Variants in KIAA0513 observed in about 807,000 individuals in gnomAD.
KIAA0513 encodes KIAA0513.
KIAA0513 carries 39 observed loss-of-function variants against 56.5 expected under a neutral mutation model. The ratio of observed to expected loss-of-function variants is 0.69; its 90% CI spans 0.53 to 0.90. The LOEUF (loss-of-function observed/expected upper bound fraction) is 0.90. Ranked by LOEUF, KIAA0513 falls within the 40% of genes least tolerant of loss-of-function variation. The probability of loss-of-function intolerance (pLI) is 0.00; values close to 1 mark genes in which losing one functional copy is unlikely to be tolerated. For missense variants in KIAA0513, 591 were observed against 535.2 expected, an observed-to-expected ratio of 1.10 and a Z score of -1.03; for synonymous variants, 268 against 215.6, an observed-to-expected ratio of 1.24 and a Z score of -2.13.
chr16:85,047,289 C>T (rs72803574), intron 1 of KIAA0513, among the ~76,000 whole-genome samples: 5,199 of 152,308 alleles, frequency 0.034, 118 homozygotes, highest in Non-Finnish European at 0.053. Flanking sequence ...ACATATGCCT[C>T]GCTCAGGGCT....
At chr16:85,060,842 T>C (rs1216780384) in intron 1 of KIAA0513, among the ~76,000 whole-genome samples, 1 of 118,154 alleles carries the variant, frequency 8.5e-6, no homozygotes, top group Non-Finnish European at 1.8e-5. Context: ...TGAACCTATC[T>C]AAAAAAAAAA....
intron 1 of KIAA0513, among the ~76,000 whole-genome samples, chr16:85,054,851 G>T (rs190749330): frequency 1.2e-3 from 190 of 152,028 alleles, no homozygotes; most frequent in African/African-American, 4.5e-3. Flanking sequence ...CCTGGCGCGG[G>T]TGGTGGCTGC....
chr16:85,050,009 T>G (rs2073227470), intron 1 of KIAA0513, among the ~76,000 whole-genome samples: 1 of 152,198 alleles, frequency 6.6e-6, no homozygotes, highest in African/African-American at 2.4e-5. Context: ...CGCTGTGTCC[T>G]TTTGTGAAAG....
At position 85,091,222 on chromosome 16, in the gene KIAA0513, A is replaced by G. The variant is rs545186687; in HGVS notation, c.*2897A>G. On this transcript the variant is annotated 3_prime_UTR_variant, in exon 13 of 13. Transcript: ENST00000683363. ...AACCAAAATGCAAACAACTCACACA[A>G]GTGAAAAGCTCCCTGCTTTGAAAAC... 5 of 152,372 alleles carry G rather than the reference A, an allele frequency of 3.3e-5. No individual in the cohort carries two copies. In the East Asian group the frequency reaches 9.6e-4, roughly 29 times the overall value. 9.4% of individuals were successfully genotyped at this position (152,372 alleles called of 1,614,324 possible). A position where few individuals can be genotyped will look rare whatever the true frequency, so the allele number is the denominator to read the frequency against.
At chr16:85,056,605 G>T (rs2073333160) in intron 1 of KIAA0513, among the ~76,000 whole-genome samples, 1 of 152,294 alleles carries the variant, frequency 6.6e-6, no homozygotes, top group Non-Finnish European at 1.5e-5. Context: ...GCCATTGGGT[G>T]TGCTCTTGCA....
chr16:85,076,924 A>C lies in KIAA0513; in HGVS notation c.575-501A>C, dbSNP rs1567542503. ...AGAGGGCCTTTGACCTATAGTGGGCACTGAGGCCCGTGGGGGTGCCTCATC... is the reference window on the plus strand; with the variant it reads ...AGAGGGCCTTTGACCTATAGTGGGCCCTGAGGCCCGTGGGGGTGCCTCATC... On this transcript the variant is annotated intron_variant, in intron 5 of 12. Coordinates refer to ENST00000683363, the MANE Select transcript of KIAA0513 (RefSeq NM_001388359.1). This position sits in a 1 kb window ranked among gnomAD's most constrained non-coding sequence, Gnocchi z 4.7. Among the ~76,000 whole-genome samples, 1 of 152,208 alleles carries C rather than the reference A, an allele frequency of 6.6e-6. No homozygotes were observed. Among genetic ancestry groups the C allele is most frequent in the Non-Finnish European group, 1.5e-5 (1 of 68,026 alleles).
chr16:85,065,578 A>G (rs944875246), intron 1 of KIAA0513, among the ~76,000 whole-genome samples: 1 of 152,208 alleles, frequency 6.6e-6, no homozygotes, highest in Non-Finnish European at 1.5e-5. Flanking sequence ...ATCCATCATC[A>G]ATGGGTGAGC....
chr16:85,086,338 T>A (rs2073807540), intron 10 of KIAA0513, among the ~76,000 whole-genome samples: 1 of 152,220 alleles, frequency 6.6e-6, no homozygotes, highest in South Asian at 2.1e-4. Flanking sequence ...CCTCGCTGCC[T>A]GTAGAGTGCC....
intron 2 of KIAA0513, 145 bp from the exon 3 acceptor site, chr16:85,071,638 G>A: frequency 1.5e-6 from 1 of 649,752 alleles, no homozygotes; most frequent in African/African-American, 1.8e-5. Context: ...ACCGCCCGGA[G>A]GCTGAGATGA....
At position 85,075,849 on chromosome 16, in the gene KIAA0513, A is replaced by G. The variant is rs1240327105; in HGVS notation, c.509A>G (p.His170Arg). 6.2e-7 allele frequency: 1 copy of G among 1,614,190 alleles called. No homozygotes were observed. Among genetic ancestry groups the G allele is most frequent in the Admixed American group, 1.7e-5 (1 of 60,032 alleles). The change falls in exon 5 of 13, where the codon CAT (histidine) becomes CGT (arginine). Residue 170 changes from histidine (H) to arginine (R), a missense_variant. Coordinates refer to ENST00000683363, the MANE Select transcript of KIAA0513 (RefSeq NM_001388359.1). ...QSFAVVLFEC[H>R]QMDDFGPAKN... ...AGCCTTGCCTCTTGTTTCAGGTGTC[A>G]TCAGATGGATGACTTTGGGCCTGCC...
intron 3 of KIAA0513, 96 bp from the exon 4 acceptor site, chr16:85,072,829 C>T (rs2073597835): frequency 8.2e-7 from 1 of 1,213,074 alleles, no homozygotes; most frequent in South Asian, 1.2e-5. Context: ...ATCCCAGCTG[C>T]ATTTGGAAAC....
intron 10 of KIAA0513, among the ~76,000 whole-genome samples, chr16:85,085,932 C>T (rs1388620356): frequency 6.6e-6 from 1 of 152,190 alleles, no homozygotes; most frequent in East Asian, 1.9e-4. Flanking sequence ...CCATAGCATT[C>T]ACAGGGTCAC....
In KIAA0513 at chr16:85,090,196, T is replaced by C. The variant is rs2073854087; in HGVS notation, c.*1871T>C. 1 of 151,994 alleles carries C rather than the reference T, an allele frequency of 6.6e-6. No homozygotes were observed. The highest frequency in any genetic ancestry group is 1.5e-5 in the Non-Finnish European group (1 of 68,006). 9.4% of individuals were successfully genotyped at this position (151,994 alleles called of 1,614,324 possible). A position where few individuals can be genotyped will look rare whatever the true frequency, so the allele number is the denominator to read the frequency against. ...TCGCTCTGATGCCAACTGCAGATAA[T>C]ACACACCTCCTGCAGCGTCCAGCCA... On this transcript the variant is annotated 3_prime_UTR_variant, in exon 13 of 13. Coordinates refer to ENST00000683363, the MANE Select transcript of KIAA0513 (RefSeq NM_001388359.1).
At position 85,081,479 on chromosome 16, in the gene KIAA0513, A is replaced by G. The variant is rs1286104766; in HGVS notation, c.980+87A>G. 1.7e-6 allele frequency: 2 copies of G among 1,162,742 alleles called. No individual in the cohort carries two copies. The highest frequency in any genetic ancestry group is 3.1e-5 in the African/African-American group (2 of 65,388). 72.0% of individuals were successfully genotyped at this position (1,162,742 alleles called of 1,614,324 possible). Reference sequence around the variant, plus strand: ...CCCGGTTTCGGAAGAGGAGAGCAGAAGAGCAGCTGAGTGGACGTGTCTGTT... The same window carrying G: ...CCCGGTTTCGGAAGAGGAGAGCAGAGGAGCAGCTGAGTGGACGTGTCTGTT... On this transcript the variant is annotated intron_variant, in intron 9 of 12. Coordinates refer to ENST00000683363, the MANE Select transcript of KIAA0513 (RefSeq NM_001388359.1). The surrounding 1 kb of genome is among the most constrained non-coding windows in gnomAD (Gnocchi z 4.4).
intron 1 of KIAA0513, among the ~76,000 whole-genome samples, chr16:85,049,704 A>G (rs183782083): frequency 2.6e-5 from 4 of 152,162 alleles, no homozygotes; most frequent in African/African-American, 9.7e-5. Flanking sequence ...AGTCAAGCGG[A>G]TGCCAGCATC....
At position 85,075,914 on chromosome 16, in the gene KIAA0513, G is replaced by A. The variant is rs1467401798; in HGVS notation, c.574G>A (p.Gly192Arg). The A allele has an allele frequency of 6.2e-6, 10 of 1,611,052 alleles. No homozygotes were observed. The highest frequency in any genetic ancestry group is 5.5e-5 in the South Asian group (5 of 91,000). The stretch of plus-strand genomic sequence containing the variant: ...CATGTGCTTCACCTACTACCACATC[G>A]GTAAGACATGGGTGGGCTGATGTGG... ...MTMCFTYYHI[G>R]KPQLLPPESR... Residue 192 changes from glycine to arginine, a missense_variant and splice_region_variant, in exon 5 of 13, where the codon GGA becomes AGA. Transcript: ENST00000683363.
rs192516320 is a variant in KIAA0513, at chr16:85,083,504, G to C, written c.1010+911G>C. On this transcript the variant is annotated intron_variant, in intron 10 of 12. Coordinates refer to ENST00000683363, the MANE Select transcript of KIAA0513 (RefSeq NM_001388359.1). ...GCCCCTAGGTTTTCACTGACTCTCT[G>C]GGTGACTGTGTGTTTAACCAGCCTT... Among the ~76,000 whole-genome samples, 545 of 152,270 alleles carry C rather than the reference G, an allele frequency of 3.6e-3. 3 individuals are homozygous for C. Among genetic ancestry groups the C allele is most frequent in the African/African-American group, 0.012 (518 of 41,552 alleles).
At chr16:85,078,507 C>T (rs1237387290) in intron 7 of KIAA0513, 52 bp downstream of exon 7, 9 of 1,572,230 alleles carry the variant, frequency 5.7e-6, no homozygotes, top group Non-Finnish European at 7.8e-6. Context: ...GCCCCTCAGC[C>T]AGCACACAAG....
chr16:85,080,070 A>T (rs2073720442), intron 8 of KIAA0513, among the ~76,000 whole-genome samples: 1 of 152,110 alleles, frequency 6.6e-6, no homozygotes, highest in South Asian at 2.1e-4. Flanking sequence ...TTACTTGAGG[A>T]GCTTGGCCAG....
Sources: allele counts gnomAD v4.1 joint callset (sites outside exome capture counted in the v4.1 genomes callset), GRCh38; gene constraint gnomAD v4.1.1; non-coding constraint Gnocchi (gnomAD v3.1); transcripts MANE v1.5; gene names NCBI Gene and HGNC (gene_info 2026-07-23, HGNC 2026-07-21).